ADIPOR2: variants seen among roughly 807,000 people sequenced by gnomAD.
ADIPOR2 encodes the protein adiponectin receptor 2, also known as adiponectin receptor protein 2.
Under a neutral mutation model 40.9 loss-of-function variants are expected in ADIPOR2, and 18 were observed. The observed-to-expected ratio is 0.44, with a 90% CI of 0.30 to 0.65. The LOEUF is 0.65. Among genes scored for constraint, ADIPOR2 ranks in the 30% least tolerant of loss-of-function variants. The pLI is 0.09. For missense variants in ADIPOR2, 283 were observed against 479.2 expected, an observed-to-expected ratio of 0.59 and a Z score of 3.82; for synonymous variants, 165 against 166.4, an observed-to-expected ratio of 0.99 and a Z score of 0.06.
chr12:1,712,813 G>A (rs555878299), intron 1 of ADIPOR2, among the ~76,000 whole-genome samples: 1 of 152,260 alleles, frequency 6.6e-6, no homozygotes, highest in African/African-American at 2.4e-5. Flanking sequence ...GCGAGGATAA[G>A]CCAGTATAGG....
At chr12:1,717,310 G>A (rs1031030939) in intron 1 of ADIPOR2, among the ~76,000 whole-genome samples, 1 of 152,132 alleles carries the variant, frequency 6.6e-6, no homozygotes, top group African/African-American at 2.4e-5. Context: ...CATATTAAGA[G>A]AAGTATTGCC....
rs778658717 is a variant in ADIPOR2 at position 1,786,033 on chromosome 12, C to G, written c.1122C>G (p.Phe374Leu). The change falls in exon 8 of 8, where the codon TTC becomes TTG. Residue 374 changes from phenylalanine (F) to leucine (L), a missense_variant. Coordinates refer to ENST00000357103, the MANE Select transcript of ADIPOR2 (RefSeq NM_024551.3). ...TCTCAAACCTCCAGGAGTTTCGTTT[C>G]ATGATCGGCGGGGGCTGCAGTGAAG... ...HGVSNLQEFRFMIGGGCSEED... is the reference protein window; with the variant it reads ...HGVSNLQEFRLMIGGGCSEED... 3.0e-5 allele frequency: 49 copies of G among 1,614,012 alleles called. No individual in the cohort carries two copies. The highest frequency in any genetic ancestry group is 3.9e-5 in the Non-Finnish European group (46 of 1,180,022).
chr12:1,726,304 TCTC>T (rs1195942441), intron 1 of ADIPOR2, among the ~76,000 whole-genome samples: 1 of 152,126 alleles, frequency 6.6e-6, no homozygotes, highest in Non-Finnish European at 1.5e-5. Context: ...TTCAGGGGAT[TCTC>T]CTGCCTCACC....
chr12:1,772,395 A>T (rs1041216043), intron 2 of ADIPOR2, among the ~76,000 whole-genome samples: 4 of 152,216 alleles, frequency 2.6e-5, no homozygotes, highest in African/African-American at 9.6e-5. Flanking sequence ...GGATATATTT[A>T]AAAAATTTAT....
At chr12:1,747,059 C>G (rs1287397877) in intron 1 of ADIPOR2, among the ~76,000 whole-genome samples, 2 of 148,332 alleles carry the variant, frequency 1.3e-5, no homozygotes, top group Non-Finnish European at 3.0e-5. Flanking sequence ...CTGCCCCCCC[C>G]CAAAAAATAA....
At chr12:1,718,852 G>A (rs916871093) in intron 1 of ADIPOR2, among the ~76,000 whole-genome samples, 1 of 152,094 alleles carries the variant, frequency 6.6e-6, no homozygotes, top group Non-Finnish European at 1.5e-5. Context: ...AAGCTAGGAC[G>A]GGTTCCTTGT....
At chr12:1,761,568 A>T (rs1047510946) in intron 2 of ADIPOR2, among the ~76,000 whole-genome samples, 1 of 152,238 alleles carries the variant, frequency 6.6e-6, no homozygotes, top group Non-Finnish European at 1.5e-5. Context: ...GTGTGAAACG[A>T]TATTTCATCA....
intron 1 of ADIPOR2, among the ~76,000 whole-genome samples, chr12:1,691,914 C>T (rs2094627941): frequency 6.6e-6 from 1 of 152,030 alleles, no homozygotes; most frequent in Admixed American, 6.6e-5. Context: ...TAAGATGGTC[C>T]AAAAGTGAAT....
chr12:1,694,976 C>G (rs1292796691), intron 1 of ADIPOR2, among the ~76,000 whole-genome samples: 1 of 147,314 alleles, frequency 6.8e-6, no homozygotes, highest in African/African-American at 2.5e-5. Context: ...ATTTATTGGT[C>G]TATAGTTTAC....
chr12:1,719,804 A>C (rs1234805955), intron 1 of ADIPOR2, among the ~76,000 whole-genome samples: 1 of 151,966 alleles, frequency 6.6e-6, no homozygotes, highest in Non-Finnish European at 1.5e-5. Flanking sequence ...CCTGTGGAGT[A>C]GCTGGGATTA....
At chr12:1,751,683 T>TA (rs753968308) in intron 1 of ADIPOR2, among the ~76,000 whole-genome samples, 3 of 151,722 alleles carry the variant, frequency 2.0e-5, no homozygotes, top group South Asian at 2.1e-4. Flanking sequence ...CCCGGCTAAT[T>TA]AAAAAAATTT....
chr12:1,759,262 A>G (rs1862216891), intron 2 of ADIPOR2, among the ~76,000 whole-genome samples: 1 of 152,228 alleles, frequency 6.6e-6, no homozygotes, highest in Admixed American at 6.5e-5. Context: ...TAGTACAGTC[A>G]TTCACATTTC....
chr12:1,692,644 G>GT (rs371965934), intron 1 of ADIPOR2, among the ~76,000 whole-genome samples: 289 of 142,056 alleles, frequency 2.0e-3, no homozygotes, highest in African/African-American at 4.4e-3. Context: ...AAGAGAGTTT[G>GT]TTTTTTTTTT....
chr12:1,763,808 A>C (rs1862319090), intron 2 of ADIPOR2, among the ~76,000 whole-genome samples: 1 of 151,970 alleles, frequency 6.6e-6, no homozygotes, highest in Non-Finnish European at 1.5e-5. Flanking sequence ...GCGAAACCTT[A>C]TCTCTGCAAA....
chr12:1,742,841 T>C (rs975297936), intron 1 of ADIPOR2, among the ~76,000 whole-genome samples: 10 of 152,202 alleles, frequency 6.6e-5, no homozygotes, highest in Non-Finnish European at 1.0e-4. Flanking sequence ...CCCATTGATA[T>C]AGAGGGCTGA....
chr12:1,761,258 A>G (rs934740121), intron 2 of ADIPOR2, among the ~76,000 whole-genome samples: 5 of 152,228 alleles, frequency 3.3e-5, no homozygotes, highest in South Asian at 2.1e-4. Flanking sequence ...AGTTTATCCA[A>G]TAATGAGTTG....
At chr12:1,698,592 T>G (rs970129641) in intron 1 of ADIPOR2, among the ~76,000 whole-genome samples, 1 of 152,184 alleles carries the variant, frequency 6.6e-6, no homozygotes, top group Non-Finnish European at 1.5e-5. Flanking sequence ...TTCTTTTTAG[T>G]AGTTCTCTAG....
intron 1 of ADIPOR2, among the ~76,000 whole-genome samples, chr12:1,714,596 T>G (rs1472897392): frequency 5.9e-5 from 9 of 152,138 alleles, no homozygotes; most frequent in Admixed American, 5.9e-4. Flanking sequence ...TTCTGCTTAG[T>G]CCTTCTAGGA....
chr12:1,692,506 A>T (rs1459799697), intron 1 of ADIPOR2, among the ~76,000 whole-genome samples: 1 of 152,202 alleles, frequency 6.6e-6, no homozygotes, highest in Admixed American at 6.5e-5. Context: ...TGAAAGGCAT[A>T]TTTCTTTTAA....
Sources: gnomAD v4.1 joint callset for allele counts (sites outside exome capture counted in the v4.1 genomes callset) on GRCh38, gnomAD v4.1.1 for gene constraint, MANE v1.5 for transcripts, NCBI Gene and HGNC (gene_info 2026-07-23, HGNC 2026-07-21) for gene names.